Variants in LEUTX observed in about 807,000 individuals in gnomAD.
The protein encoded by LEUTX is leucine twenty homeobox, also known as paired-like homeodomain transcription factor LEUTX.
A neutral mutation model predicts 4.5 loss-of-function variants in LEUTX; 5 were observed. The observed-to-expected ratio is 1.11, with a 90% confidence interval of 0.58 to 2.34. The LOEUF is 2.34. LEUTX is among the 30% of genes most tolerant of loss of function. The probability of loss-of-function intolerance (pLI) is 0.01; values close to 1 mark genes in which losing one functional copy is unlikely to be tolerated. For synonymous variants in LEUTX, 89 were observed against 85.1 expected (o/e 1.05, Z -0.25); for missense variants, 233 against 239.4 (o/e 0.97, Z 0.18).
chr19:39,781,020 G>GA (rs1257477444), intron 1 of LEUTX, among the ~76,000 whole-genome samples: 4 of 151,616 alleles, frequency 2.6e-5, no homozygotes, highest in African/African-American at 7.3e-5. Flanking sequence ...CTTTTCTTAA[G>GA]AAAAAATGTG....
intron 1 of LEUTX, among the ~76,000 whole-genome samples, chr19:39,780,986 G>A (rs535781896): frequency 1.4e-4 from 22 of 152,144 alleles, no homozygotes; most frequent in Admixed American, 1.2e-3. Flanking sequence ...TTACAGGCAT[G>A]AGCCACCGTG....
In LEUTX at chr19:39,786,163, T is replaced by C. The variant is rs1486764820; in HGVS notation, c.*28T>C. On this transcript the variant is annotated 3_prime_UTR_variant, in exon 3 of 3. Transcript: ENST00000638280. ...TCTTACACATCACTTCTAGGGGAGG[T>C]CTGGATCTGACCCACTGAGACATAT... 6 of 1,465,406 alleles carry C rather than the reference T, an allele frequency of 4.1e-6. No homozygotes were observed. Among genetic ancestry groups the C allele is most frequent in the Non-Finnish European group, 5.5e-6 (6 of 1,099,694 alleles). 90.8% of individuals were successfully genotyped at this position (1,465,406 alleles called of 1,614,324 possible). A position where few individuals can be genotyped will look rare whatever the true frequency, so the allele number is the denominator to read the frequency against.
chr19:39,782,818 G>T (rs1258987482), intron 1 of LEUTX, among the ~76,000 whole-genome samples: 2 of 152,142 alleles, frequency 1.3e-5, no homozygotes, highest in Non-Finnish European at 2.9e-5. Flanking sequence ...CACAGGTCAA[G>T]CTTAGGAAAG....
At chr19:39,785,067 G>A (rs1967945042) in intron 2 of LEUTX, among the ~76,000 whole-genome samples, 1 of 152,106 alleles carries the variant, frequency 6.6e-6, no homozygotes, top group African/African-American at 2.4e-5. Context: ...TTCCCACAAA[G>A]TATTCATGGG....
intron 1 of LEUTX, among the ~76,000 whole-genome samples, chr19:39,780,272 C>T (rs932981386): frequency 5.3e-5 from 8 of 152,118 alleles, no homozygotes; most frequent in Non-Finnish European, 1.0e-4. Flanking sequence ...CATCCTTCCT[C>T]GATTTTACCT....
At chr19:39,782,289 G>A (rs907492825) in intron 1 of LEUTX, among the ~76,000 whole-genome samples, 10 of 152,108 alleles carry the variant, frequency 6.6e-5, no homozygotes, top group African/African-American at 1.9e-4. Flanking sequence ...GGAAGGATCC[G>A]GTGGGAGATA....
At chr19:39,785,123 C>T (rs1302095983) in intron 2 of LEUTX, among the ~76,000 whole-genome samples, 1 of 152,160 alleles carries the variant, frequency 6.6e-6, no homozygotes, top group Non-Finnish European at 1.5e-5. Context: ...TAAACTCTCA[C>T]CCCATACTCT....
intron 1 of LEUTX, among the ~76,000 whole-genome samples, chr19:39,781,230 C>T (rs1967882165): frequency 1.3e-5 from 2 of 152,178 alleles, no homozygotes; most frequent in African/African-American, 4.8e-5. Context: ...ACCCATGTGC[C>T]CGATCACTTG....
upstream of LEUTX, chr19:39,776,647 C>CA: frequency 2.2e-6 from 1 of 456,146 alleles, no homozygotes; most frequent in Non-Finnish European, 4.4e-6. Context: ...GTCAGGCGGG[C>CA]ACCTGGAATC....
At position 39,785,681 on chromosome 19, in the gene LEUTX, C is replaced by G. The variant is rs979223035; in HGVS notation, c.160-17C>G. ...ACTCAACATCCATTATTAACCTCCC[C>G]CCTCCTCCCTCCTTAGATCTGGTTC... is the stretch of plus-strand genomic sequence containing the variant. On this transcript the variant is annotated splice_polypyrimidine_tract_variant and intron_variant, in intron 2 of 2. Coordinates refer to ENST00000638280, the MANE Select transcript of LEUTX (RefSeq NM_001382345.1). The G allele has an allele frequency of 2.6e-6, 4 of 1,544,488 alleles. No individual in the cohort carries two copies. The highest frequency in any genetic ancestry group is 3.5e-6 in the Non-Finnish European group (4 of 1,142,356).
At position 39,786,067 on chromosome 19, in the gene LEUTX, A is replaced by C. The variant is rs61995735; in HGVS notation, c.529A>C (p.Thr177Pro). 1.4e-3 allele frequency: 2,136 copies of C among 1,551,228 alleles called. 25 individuals are homozygous for C. In the African/African-American group the frequency reaches 0.026, roughly 19 times the overall value. The change falls in exon 3 of 3, where the codon ACC (threonine) becomes CCC (proline). Residue 177 changes from threonine (T) to proline (P), a missense_variant. Transcript: ENST00000638280. ...KIYDLPGEDDTSSLNQYLFPV... is the reference protein window; with the variant it reads ...KIYDLPGEDDPSSLNQYLFPV... ...CTATGACTTGCCAGGGGAAGATGAC[A>C]CCAGCAGCCTAAATCAATATCTTTT...
At chr19:39,778,230 C>T (rs73546610), upstream of LEUTX, among the ~76,000 whole-genome samples, 2,688 of 152,284 alleles carry the variant, frequency 0.018, 80 homozygotes, top group African/African-American at 0.059. Context: ...AAGCATGATT[C>T]TTTTAATGCA....
chr19:39,785,683 C>A lies in LEUTX; in HGVS notation c.160-15C>A, dbSNP rs10410397. 11,256 of 1,546,142 alleles carry A rather than the reference C, an allele frequency of 7.3e-3. 677 individuals are homozygous for A. The African/African-American group carries it at 0.13, about 18-fold the overall frequency. ...TCAACATCCATTATTAACCTCCCCCCTCCTCCCTCCTTAGATCTGGTTCAA... is the reference window on the plus strand; with the variant it reads ...TCAACATCCATTATTAACCTCCCCCATCCTCCCTCCTTAGATCTGGTTCAA... On this transcript the variant is annotated splice_polypyrimidine_tract_variant and intron_variant, in intron 2 of 2. Transcript: ENST00000638280.
intron 1 of LEUTX, among the ~76,000 whole-genome samples, chr19:39,780,273 G>T (rs985809483): frequency 6.6e-6 from 1 of 152,048 alleles, no homozygotes; most frequent in East Asian, 1.9e-4. Context: ...ATCCTTCCTC[G>T]ATTTTACCTC....
In LEUTX at chr19:39,785,681, C is replaced by T. The variant is rs979223035; in HGVS notation, c.160-17C>T. Reference sequence around the variant, plus strand: ...ACTCAACATCCATTATTAACCTCCCCCCTCCTCCCTCCTTAGATCTGGTTC... The same window carrying T: ...ACTCAACATCCATTATTAACCTCCCTCCTCCTCCCTCCTTAGATCTGGTTC... On this transcript the variant is annotated splice_polypyrimidine_tract_variant and intron_variant, in intron 2 of 2. Coordinates refer to ENST00000638280, the MANE Select transcript of LEUTX (RefSeq NM_001382345.1). 1.3e-6 allele frequency: 2 copies of T among 1,544,488 alleles called. No homozygotes were observed. The highest frequency in any genetic ancestry group is 1.2e-5 in the South Asian group (1 of 83,464).
rs1967938675 is a variant in LEUTX at position 39,784,692 on chromosome 19, T to C, written c.159+14T>C. 2 of 1,548,002 alleles carry C rather than the reference T, an allele frequency of 1.3e-6. No homozygotes were observed. Among genetic ancestry groups the C allele is most frequent in the Non-Finnish European group, 1.7e-6 (2 of 1,143,828 alleles). Reference sequence around the variant, plus strand: ...TCCGTAGTAAAGGTCTGTTCCCAAGTGTGTCTGTAGGTAGCACGCCTAACC... The same window carrying C: ...TCCGTAGTAAAGGTCTGTTCCCAAGCGTGTCTGTAGGTAGCACGCCTAACC... On this transcript the variant is annotated intron_variant, in intron 2 of 2. Coordinates refer to ENST00000638280, the MANE Select transcript of LEUTX (RefSeq NM_001382345.1).
At chr19:39,780,180 AT>A (rs780681465) in intron 1 of LEUTX, among the ~76,000 whole-genome samples, 2 of 152,204 alleles carry the variant, frequency 1.3e-5, no homozygotes, top group Non-Finnish European at 2.9e-5. Context: ...CTATTGTTTA[AT>A]ACTAAACTTA....
At position 39,784,553 on chromosome 19, in the gene LEUTX, C is replaced by T. The variant is rs758420819; in HGVS notation, c.34C>T (p.Arg12Cys). 3.2e-5 allele frequency: 41 copies of T among 1,264,270 alleles called. No individual in the cohort carries two copies. Among genetic ancestry groups the T allele is most frequent in the Non-Finnish European group, 4.0e-5 (35 of 884,710 alleles). 78.3% of individuals were successfully genotyped at this position (1,264,270 alleles called of 1,614,324 possible). The change falls in exon 2 of 3, where the codon CGC becomes TGC. Residue 12 changes from arginine to cysteine, a missense_variant. Transcript: ENST00000638280. Reference sequence around the variant, plus strand: ...AGGGCCAAGGCGTTATCGTCGGCCACGCACAAGATTTCTCTCCAAACAACT... The same window carrying T: ...AGGGCCAAGGCGTTATCGTCGGCCATGCACAAGATTTCTCTCCAAACAACT... ...FEGPRRYRRP[R>C]TRFLSKQLTA...
Position 39,785,721 on chromosome 19 carries a change from C to T in LEUTX, c.183C>T (p.Ala61=). The T allele has an allele frequency of 6.4e-7, 1 of 1,551,842 alleles. No homozygotes were observed. Among genetic ancestry groups the T allele is most frequent in the Non-Finnish European group, 8.7e-7 (1 of 1,146,992 alleles). Residue 61 remains alanine (A), a synonymous_variant, in exon 3 of 3, where the codon GCC becomes GCT. Coordinates refer to ENST00000638280, the MANE Select transcript of LEUTX (RefSeq NM_001382345.1). ...VVKIWFKNQR[A]KWKRQQRQQM... ...AGATCTGGTTCAAGAACCAGCGTGC[C>T]AAATGGAAGAGGCAGCAGCGGCAGC...
Sources: gnomAD v4.1 joint callset for allele counts (sites outside exome capture counted in the v4.1 genomes callset) on GRCh38, gnomAD v4.1.1 for gene constraint, MANE v1.5 for transcripts, NCBI Gene and HGNC (gene_info 2026-07-23, HGNC 2026-07-21) for gene names.